Variants in PCBP3 observed in about 807,000 individuals in gnomAD.
The protein encoded by PCBP3 is poly(rC)-binding protein 3.
Under a neutral mutation model 52.7 loss-of-function variants are expected in PCBP3, and 25 were observed. The ratio of observed to expected loss-of-function variants is 0.47; its 90% CI spans 0.35 to 0.66. The LOEUF (loss-of-function observed/expected upper bound fraction) is 0.66. PCBP3 is among the 30% of genes least tolerant of loss of function. The pLI is 0.01. For missense variants in PCBP3, 391 were observed against 490.3 expected (o/e 0.80, Z 1.91); for synonymous variants, 162 against 183.0 (o/e 0.89, Z 0.93).
Position 45,817,638 on chromosome 21 carries a change from C to T in PCBP3, c.-125-32323C>T, listed in dbSNP as rs1309945858. Among the ~76,000 whole-genome samples, 2 of 152,056 alleles carry T rather than the reference C, an allele frequency of 1.3e-5. No homozygotes were observed. Among genetic ancestry groups the T allele is most frequent in the Non-Finnish European group, 1.5e-5 (1 of 68,044 alleles). On this transcript the variant is annotated intron_variant, in intron 4 of 17. Transcript: ENST00000681687. This position sits in a 1 kb window ranked among gnomAD's most constrained non-coding sequence, Gnocchi z 4.3. ...GTGGACGCAGCTAGAAAGCAGCCGGCGAGGAGCTCAGCGTGTGTCTCCGCC... is the reference window on the plus strand; with the variant it reads ...GTGGACGCAGCTAGAAAGCAGCCGGTGAGGAGCTCAGCGTGTGTCTCCGCC...
intron 6 of PCBP3, among the ~76,000 whole-genome samples, chr21:45,899,101 G>A (rs920353354): frequency 3.9e-5 from 6 of 152,244 alleles, no homozygotes; most frequent in African/African-American, 9.6e-5. Flanking sequence ...CGTGTGTCCC[G>A]AAACTGCCTT....
At chr21:45,775,045 C>T (rs939383586) in intron 4 of PCBP3, among the ~76,000 whole-genome samples, 1 of 152,128 alleles carries the variant, frequency 6.6e-6, no homozygotes, top group Non-Finnish European at 1.5e-5. Flanking sequence ...AGGAAGATTT[C>T]CCTTCTCTTT....
intron 2 of PCBP3, among the ~76,000 whole-genome samples, chr21:45,677,883 C>T (rs545381610): frequency 2.6e-5 from 4 of 152,304 alleles, no homozygotes; most frequent in African/African-American, 7.2e-5. Flanking sequence ...GAAAAAGGTT[C>T]CTCTCAAAAT....
At chr21:45,812,515 C>T (rs77393647) in intron 4 of PCBP3, among the ~76,000 whole-genome samples, 1 of 152,178 alleles carries the variant, frequency 6.6e-6, no homozygotes, top group South Asian at 2.1e-4. Context: ...AAGCGATTCT[C>T]CTGCCTCAGC....
rs564478341 is a variant in PCBP3 at position 45,784,394 on chromosome 21, A to G, written c.-126+28942A>G. On this transcript the variant is annotated intron_variant, in intron 4 of 17. Coordinates refer to ENST00000681687, the MANE Select transcript of PCBP3 (RefSeq NM_001384156.1). ...TACCTCTACCTCTACCTCTACCTCT[A>G]CCGCTACCTCTACCGCTACCGCTAC... Among the ~76,000 whole-genome samples, 474 of 113,486 alleles carry G rather than the reference A, an allele frequency of 4.2e-3. 1 individual carries two copies. The highest frequency in any genetic ancestry group is 0.014 in the African/African-American group (456 of 32,806). The allele number at this position is 113,486 out of a possible 152,430, so 74.5% of individuals were successfully genotyped here.
chr21:45,849,266 C>T (rs780946942), intron 4 of PCBP3, among the ~76,000 whole-genome samples: 4 of 147,756 alleles, frequency 2.7e-5, no homozygotes, highest in South Asian at 2.1e-4. Context: ...AGTGCAGTGG[C>T]GCAATCTCAG....
intron 1 of PCBP3, among the ~76,000 whole-genome samples, chr21:45,650,538 A>G (rs2079611229): frequency 6.6e-6 from 1 of 152,080 alleles, no homozygotes; most frequent in African/African-American, 2.4e-5. Context: ...GCAGCCTTGA[A>G]GTCCTGGACT....
chr21:45,828,888 T>C (rs2093374684), intron 4 of PCBP3: 1 of 152,368 alleles, frequency 6.6e-6, no homozygotes, highest in South Asian at 2.1e-4. Context: ...CTTTGGGGGC[T>C]GGATGGAGGA....
At chr21:45,907,343 C>T (rs191165664) in intron 9 of PCBP3, among the ~76,000 whole-genome samples, 2 of 152,158 alleles carry the variant, frequency 1.3e-5, no homozygotes, top group South Asian at 2.1e-4. Flanking sequence ...CTTCTGCGTT[C>T]GAGTGGGGTT....
intron 2 of PCBP3, among the ~76,000 whole-genome samples, chr21:45,731,404 C>T (rs2085444961): frequency 6.6e-6 from 1 of 152,180 alleles, no homozygotes; most frequent in Non-Finnish European, 1.5e-5. Flanking sequence ...GCACAGTTGT[C>T]AGTCATGCTT....
At position 45,724,550 on chromosome 21, in the gene PCBP3, G is replaced by A. The variant is rs2084890891; in HGVS notation, c.-199-10842G>A. On this transcript the variant is annotated intron_variant, in intron 2 of 17. Coordinates refer to ENST00000681687, the MANE Select transcript of PCBP3 (RefSeq NM_001384156.1). The surrounding 1 kb of genome is among the most constrained non-coding windows in gnomAD (Gnocchi z 5.3). ...GAATCTCGCTGCCTTCATGGTGGCGGGCCAGGCTGCTCTGTAACACGAACA... is the reference window on the plus strand; with the variant it reads ...GAATCTCGCTGCCTTCATGGTGGCGAGCCAGGCTGCTCTGTAACACGAACA... Among the ~76,000 whole-genome samples the A allele has an allele frequency of 6.6e-6, 1 of 152,196 alleles. No homozygotes were observed. The highest frequency in any genetic ancestry group is 2.1e-4 in the South Asian group (1 of 4,826).
chr21:45,645,000 T>C, intron 1 of PCBP3, among the ~76,000 whole-genome samples: 1 of 152,212 alleles, frequency 6.6e-6, no homozygotes, highest in East Asian at 1.9e-4. Context: ...TATTCAAGAA[T>C]AATTCATCAT....
At chr21:45,744,043 C>G (rs970209889) in intron 3 of PCBP3, among the ~76,000 whole-genome samples, 81 of 144,588 alleles carry the variant, frequency 5.6e-4, no homozygotes, top group African/African-American at 2.0e-3. Flanking sequence ...TTCTTATACA[C>G]CAATGGTTTT....
At chr21:45,702,901 G>A (rs1018710240) in intron 2 of PCBP3, among the ~76,000 whole-genome samples, 31 of 152,146 alleles carry the variant, frequency 2.0e-4, no homozygotes, top group African/African-American at 7.2e-4. Context: ...CTAAGCTTAT[G>A]TAATATTAAT....
chr21:45,868,738 C>T (rs1285107933), intron 5 of PCBP3, among the ~76,000 whole-genome samples: 5 of 152,242 alleles, frequency 3.3e-5, no homozygotes, highest in Admixed American at 1.3e-4. Context: ...CAGCCCACAG[C>T]ACTGGGAAGA....
Position 45,935,421 on chromosome 21 carries a change from C to T in PCBP3, c.909+116C>T, listed in dbSNP as rs1040007226. 1.5e-5 allele frequency: 11 copies of T among 739,996 alleles called. No homozygotes were observed. In the Admixed American group the frequency reaches 2.2e-4, roughly 15 times the overall value. The allele number at this position is 739,996 out of a possible 1,614,324, so 45.8% of individuals were successfully genotyped here. ...CACTGCTTGGTAATGCCTTCACCAC[C>T]CCAACCCCACTGTTTGATCTGTGTC... On this transcript the variant is annotated intron_variant, in intron 16 of 17. Transcript: ENST00000681687.
chr21:45,918,174 A>G (rs979245142), intron 13 of PCBP3: 1 of 168,858 alleles, frequency 5.9e-6, no homozygotes, highest in Non-Finnish European at 1.3e-5. Flanking sequence ...AATCAGTGGG[A>G]TGCCAGGCGG....
chr21:45,885,604 C>T (rs887839700), intron 5 of PCBP3, among the ~76,000 whole-genome samples: 2 of 152,066 alleles, frequency 1.3e-5, no homozygotes, highest in Non-Finnish European at 2.9e-5. Flanking sequence ...CTTGTTGGGA[C>T]GGGGTACTTT....
intron 4 of PCBP3, among the ~76,000 whole-genome samples, chr21:45,768,228 C>T (rs2089539403): frequency 6.6e-6 from 1 of 152,238 alleles, no homozygotes; most frequent in South Asian, 2.1e-4. Context: ...CTGCGTGGGC[C>T]TTTGCTGATG....
Sources: gnomAD v4.1 joint callset for allele counts (sites outside exome capture counted in the v4.1 genomes callset) on GRCh38, gnomAD v4.1.1 for gene constraint, Gnocchi (gnomAD v3.1) non-coding constraint, MANE v1.5 for transcripts, NCBI Gene and HGNC (gene_info 2026-07-23, HGNC 2026-07-21) for gene names.